The following DOT1L variants were observed in gnomAD, a reference collection of about 807,000 sequenced individuals.
DOT1L encodes histone-lysine N-methyltransferase, H3 lysine-79 specific.
A neutral mutation model predicts 153.3 loss-of-function variants in DOT1L; 33 were observed. That is an observed-to-expected ratio of 0.22 (90% CI 0.16 to 0.29). The LOEUF (loss-of-function observed/expected upper bound fraction) is 0.29, where lower values mean the gene tolerates loss of function less well. Ranked by LOEUF, DOT1L falls within the 10% of genes least tolerant of loss-of-function variation. DOT1L has a pLI of 1.00. For synonymous variants in DOT1L, 1,135 were observed against 965.1 expected (o/e 1.18, Z -3.26); for missense variants, 1,847 against 2,119.9 (o/e 0.87, Z 2.53).
chr19:2,189,881 A>C, intron 4 of DOT1L, 86 bp downstream of exon 4: 1 of 1,444,124 alleles, frequency 6.9e-7, no homozygotes, highest in East Asian at 2.3e-5. Context: ...GCCTCGGGGC[A>C]CAGAGCTCCC....
At chr19:2,203,125 C>T (rs997175920) in intron 9 of DOT1L, among the ~76,000 whole-genome samples, 5 of 151,964 alleles carry the variant, frequency 3.3e-5, no homozygotes, top group South Asian at 2.1e-4. Flanking sequence ...TTTTTTGAGA[C>T]GGAGTCTCAC....
intron 7 of DOT1L, among the ~76,000 whole-genome samples, chr19:2,199,006 G>T (rs929332113): frequency 1.3e-5 from 2 of 152,228 alleles, no homozygotes; most frequent in Non-Finnish European, 2.9e-5. Context: ...GATGAGTTGT[G>T]TTGGCTTTTG....
intron 9 of DOT1L, among the ~76,000 whole-genome samples, chr19:2,205,601 A>G (rs2023461079): frequency 2.0e-5 from 3 of 152,178 alleles, no homozygotes; most frequent in South Asian, 2.1e-4. Flanking sequence ...TTCTTTTCGC[A>G]TGACTGTTTC....
intron 2 of DOT1L, among the ~76,000 whole-genome samples, chr19:2,185,106 A>G (rs1198436656): frequency 6.6e-6 from 1 of 152,116 alleles, no homozygotes; most frequent in African/African-American, 2.4e-5. Context: ...GGGTTTCTCC[A>G]TGTTGGTCAG....
At position 2,227,114 on chromosome 19, in the gene DOT1L, C is replaced by T. The variant is rs373630790; in HGVS notation, c.4593C>T (p.Gly1531=). The change falls in exon 27 of 28, where the codon GGC becomes GGT. Residue 1531 remains glycine (G), a synonymous_variant. Coordinates refer to ENST00000398665, the MANE Select transcript of DOT1L (RefSeq NM_032482.3). ...HAMGSFSGVA[G]GTVGGN is the part of the protein sequence containing the mutation. ...TGGGCAGCTTTTCCGGGGTGGCAGG[C>T]GGCACAGTTGGAGGTAGGCAGGGCG... The T allele has an allele frequency of 4.5e-6, 7 of 1,551,028 alleles. No individual in the cohort carries two copies. The highest frequency in any genetic ancestry group is 1.9e-5 in the Admixed American group (1 of 53,308).
At chr19:2,206,578 G>A (rs1427438340) in intron 9 of DOT1L, 151 bp from the exon 10 acceptor site, 1 of 581,732 alleles carries the variant, frequency 1.7e-6, no homozygotes, top group African/African-American at 1.9e-5. Context: ...CTTGGAAGGT[G>A]TTTCCTAGTG....
chr19:2,189,137 G>C (rs1484831255), intron 3 of DOT1L, among the ~76,000 whole-genome samples: 3 of 152,126 alleles, frequency 2.0e-5, no homozygotes, highest in Non-Finnish European at 2.9e-5. Flanking sequence ...CTGCTGACGT[G>C]ACACACTGCT....
In DOT1L at chr19:2,193,380, C is replaced by T. The variant is rs1323880300; in HGVS notation, c.494-309C>T. Reference sequence around the variant, plus strand: ...CAGACCTGCAAAGTCTTGGGCAGCCCTGTCTGTCTGAACAGTGAACATCAC... The same window carrying T: ...CAGACCTGCAAAGTCTTGGGCAGCCTTGTCTGTCTGAACAGTGAACATCAC... On this transcript the variant is annotated intron_variant, in intron 5 of 27. Coordinates refer to ENST00000398665, the MANE Select transcript of DOT1L (RefSeq NM_032482.3). This position sits in a 1 kb window ranked among gnomAD's most constrained non-coding sequence, Gnocchi z 5.9. Among the ~76,000 whole-genome samples the T allele has an allele frequency of 1.3e-5, 2 of 152,212 alleles. No individual in the cohort carries two copies. The highest frequency in any genetic ancestry group is 4.8e-5 in the African/African-American group (2 of 41,452).
At chr19:2,174,102 C>G (rs75728041) in intron 1 of DOT1L, among the ~76,000 whole-genome samples, 1 of 152,204 alleles carries the variant, frequency 6.6e-6, no homozygotes, top group Non-Finnish European at 1.5e-5. Flanking sequence ...GCACTACAGG[C>G]GTGCACAGCT....
chr19:2,199,621 T>C (rs1242994389), intron 7 of DOT1L, among the ~76,000 whole-genome samples: 6 of 152,208 alleles, frequency 3.9e-5, no homozygotes. Flanking sequence ...TCCCCTTGGC[T>C]GGGCCTGGCC....
intron 8 of DOT1L, 97 bp downstream of exon 8, chr19:2,200,036 G>C: frequency 6.8e-7 from 1 of 1,474,828 alleles, no homozygotes; most frequent in Non-Finnish European, 9.2e-7. Flanking sequence ...CCTCGCTCCT[G>C]TGCTGGCTGT....
rs1186181473 is a variant in DOT1L, at chr19:2,207,321, C to G, written c.857-253C>G. 1.3e-5 allele frequency among the ~76,000 whole-genome samples: 2 copies of G among 152,234 alleles called. No homozygotes were observed. Among genetic ancestry groups the G allele is most frequent in the African/African-American group, 4.8e-5 (2 of 41,460 alleles). On this transcript the variant is annotated intron_variant, in intron 10 of 27. Coordinates refer to ENST00000398665, the MANE Select transcript of DOT1L (RefSeq NM_032482.3). The surrounding 1 kb of genome is among the most constrained non-coding windows in gnomAD (Gnocchi z 4.5). Reference sequence around the variant, plus strand: ...CTAAGTCGCTTCCAGATCTTCTCCCCCTCCTTTTCCATTCCACTCAGCTGG... The same window carrying G: ...CTAAGTCGCTTCCAGATCTTCTCCCGCTCCTTTTCCATTCCACTCAGCTGG...
intron 27 of DOT1L, 53 bp downstream of exon 27, chr19:2,227,180 C>T (rs1005085805): frequency 7.0e-6 from 11 of 1,581,542 alleles, no homozygotes; most frequent in Non-Finnish European, 9.4e-6. Context: ...GCCGGAGGCC[C>T]CTTCCTTTGC....
intron 1 of DOT1L, among the ~76,000 whole-genome samples, chr19:2,173,214 G>A (rs1482186204): frequency 6.6e-6 from 1 of 151,702 alleles, no homozygotes; most frequent in African/African-American, 2.4e-5. Flanking sequence ...GTGGCTTTAG[G>A]AGGCCCACGA....
chr19:2,226,333 C>A lies in DOT1L; in HGVS notation c.3812C>A (p.Ser1271Tyr). Residue 1271 changes from serine (S) to tyrosine (Y), a missense_variant, in exon 27 of 28, where the codon TCC (serine) becomes TAC (tyrosine). Physicochemically the swap from Ser to Tyr is moderately radical, Grantham distance 144. Around this residue, in one of 8 missense-constraint regions of DOT1L, gnomAD observed 934 missense variants for 825.3 expected, o/e 1.13. Transcript: ENST00000398665. ...GCCAGCTCCGCCCTCAGCCAGAACTCCCTGTTCACGTTCCGGCCCGCCCTG... is the reference window on the plus strand; with the variant it reads ...GCCAGCTCCGCCCTCAGCCAGAACTACCTGTTCACGTTCCGGCCCGCCCTG... ...LQASSALSQN[S>Y]LFTFRPALEE... 1 of 1,597,222 alleles carries A rather than the reference C, an allele frequency of 6.3e-7. No individual in the cohort carries two copies. The highest frequency in any genetic ancestry group is 8.5e-7 in the Non-Finnish European group (1 of 1,173,690).
At chr19:2,177,149 G>A (rs2021983496) in intron 1 of DOT1L, among the ~76,000 whole-genome samples, 1 of 152,172 alleles carries the variant, frequency 6.6e-6, no homozygotes, top group African/African-American at 2.4e-5. Flanking sequence ...TCTGTGGAGC[G>A]GCACTGTCCT....
chr19:2,164,172 C>G lies in DOT1L; in HGVS notation c.-13C>G, dbSNP rs765582968. Reference sequence around the variant, plus strand: ...CGCCCGCCTAGCATGGTGCGGCGGCCGCGCGCGCGGACATGGGGGAGAAGC... The same window carrying G: ...CGCCCGCCTAGCATGGTGCGGCGGCGGCGCGCGCGGACATGGGGGAGAAGC... On this transcript the variant is annotated 5_prime_UTR_variant, in exon 1 of 28. Transcript: ENST00000398665. The G allele has an allele frequency of 1.7e-6, 2 of 1,158,866 alleles. No individual in the cohort carries two copies. Among genetic ancestry groups the G allele is most frequent in the Non-Finnish European group, 1.1e-6 (1 of 940,752 alleles). The allele number at this position is 1,158,866 out of a possible 1,614,324, so 71.8% of individuals were successfully genotyped here.
chr19:2,214,496 A>G lies in DOT1L; in HGVS notation c.1823A>G (p.Gln608Arg). The change falls in exon 19 of 28, where the codon CAG becomes CGG. Residue 608 changes from glutamine to arginine, a missense_variant. Gln to Arg is a conservative substitution (Grantham distance 43, BLOSUM62 1). Transcript: ENST00000398665. ...QLLKARCEEL[Q>R]LDWATLSLEK... The stretch of plus-strand genomic sequence containing the variant: ...CTCAAGGCTCGCTGCGAGGAGCTGC[A>G]GCTGGACTGGGCCACGCTGTCGCTG... 1 of 1,613,086 alleles carries G rather than the reference A, an allele frequency of 6.2e-7. No individual in the cohort carries two copies. The highest frequency in any genetic ancestry group is 8.5e-7 in the Non-Finnish European group (1 of 1,179,896).
rs557106838 is a variant in DOT1L, at chr19:2,191,887, C to G, written c.493+647C>G. Among the ~76,000 whole-genome samples, 1 of 152,182 alleles carries G rather than the reference C, an allele frequency of 6.6e-6. No homozygotes were observed. The highest frequency in any genetic ancestry group is 1.9e-4 in the East Asian group (1 of 5,190). Reference sequence around the variant, plus strand: ...CAACCACGGGCGGGGCTCCTTGAAACGAGGCCCTAGGTGTGTCTTCAGCAG... The same window carrying G: ...CAACCACGGGCGGGGCTCCTTGAAAGGAGGCCCTAGGTGTGTCTTCAGCAG... On this transcript the variant is annotated intron_variant, in intron 5 of 27. Transcript: ENST00000398665. This position sits in a 1 kb window ranked among gnomAD's most constrained non-coding sequence, Gnocchi z 6.8.
Sources: gnomAD v4.1 joint callset for allele counts (sites outside exome capture counted in the v4.1 genomes callset) on GRCh38, gnomAD v4.1.1 for gene constraint, gnomAD v4.1.1 regional missense constraint, Gnocchi (gnomAD v3.1) non-coding constraint, MANE v1.5 for transcripts, NCBI Gene and HGNC (gene_info 2026-07-23, HGNC 2026-07-21) for gene names.